The following DNM3 variants were observed in gnomAD, a reference collection of about 807,000 sequenced individuals.
DNM3 encodes the protein dynamin-3.
A neutral mutation model predicts 101.6 loss-of-function variants in DNM3; 47 were observed. The observed-to-expected ratio is 0.46, with a 90% CI of 0.37 to 0.59. The LOEUF (loss-of-function observed/expected upper bound fraction) is 0.59. DNM3 is among the 20% of genes least tolerant of loss of function. The probability of loss-of-function intolerance (pLI) is 0.00; values close to 1 mark genes in which losing one functional copy is unlikely to be tolerated. For missense variants in DNM3, 849 were observed against 1,085.7 expected, an observed-to-expected ratio of 0.78 and a Z score of 3.06; for synonymous variants, 385 against 387.9, an observed-to-expected ratio of 0.99 and a Z score of 0.09.
intron 2 of DNM3, among the ~76,000 whole-genome samples, chr1:171,954,374 G>A (rs761752014): frequency 1.9e-4 from 29 of 152,048 alleles, no homozygotes; most frequent in Admixed American, 1.3e-3. Flanking sequence ...ATCTAACCTC[G>A]TCCAAATTCC....
chr1:172,404,475 C>G (rs2070737893), intron 20 of DNM3, among the ~76,000 whole-genome samples: 1 of 152,090 alleles, frequency 6.6e-6, no homozygotes, highest in African/African-American at 2.4e-5. Flanking sequence ...GTCTTGACTT[C>G]TTTCTGCAAT....
chr1:172,302,656 T>C (rs1334351168), intron 15 of DNM3, among the ~76,000 whole-genome samples: 1 of 152,120 alleles, frequency 6.6e-6, no homozygotes, highest in Admixed American at 6.5e-5. Flanking sequence ...GGTGCCCCTC[T>C]GGGATGAAGA....
chr1:171,901,347 G>T (rs1047913623), intron 1 of DNM3, among the ~76,000 whole-genome samples: 1 of 152,018 alleles, frequency 6.6e-6, no homozygotes. Flanking sequence ...AATGAAATAG[G>T]CCCTGAGCAG....
intron 17 of DNM3, among the ~76,000 whole-genome samples, chr1:172,357,775 GAC>G (rs1193789345): frequency 6.6e-6 from 1 of 152,032 alleles, no homozygotes; most frequent in Non-Finnish European, 1.5e-5. Flanking sequence ...CTTTTAATAA[GAC>G]AAATTATTTC....
chr1:172,392,615 C>T (rs780615925), intron 20 of DNM3, among the ~76,000 whole-genome samples: 1 of 152,232 alleles, frequency 6.6e-6, no homozygotes, highest in Non-Finnish European at 1.5e-5. Flanking sequence ...AACAAATTCA[C>T]TGAATCCGAG....
At chr1:171,871,692 T>G (rs74880886) in intron 1 of DNM3, among the ~76,000 whole-genome samples, 2,191 of 152,340 alleles carry the variant, frequency 0.014, 61 homozygotes, top group African/African-American at 0.048. Flanking sequence ...GGTTAAAATT[T>G]TAATTGTTGC....
chr1:171,867,062 CA>C (rs1436804096), intron 1 of DNM3, among the ~76,000 whole-genome samples: 2 of 152,202 alleles, frequency 1.3e-5, no homozygotes, highest in Non-Finnish European at 2.9e-5. Flanking sequence ...TGTGTAACCA[CA>C]CATGGAGTTC....
In DNM3 at chr1:172,409,296, C is replaced by T. The variant is rs1007741351; in HGVS notation, c.*1455C>T. 1 of 985,182 alleles carries T rather than the reference C, an allele frequency of 1.0e-6. No individual in the cohort carries two copies. The highest frequency in any genetic ancestry group is 6.2e-5 in the Admixed American group (1 of 16,248). The allele number at this position is 985,182 out of a possible 1,614,324, so 61.0% of individuals were successfully genotyped here. A position where few individuals can be genotyped will look rare whatever the true frequency, so the allele number is the denominator to read the frequency against. Reference sequence around the variant, plus strand: ...CTGAAATGTCTCCCTTTGAAAGTAGCAAACATGATTTGTATGTTAACTTAA... The same window carrying T: ...CTGAAATGTCTCCCTTTGAAAGTAGTAAACATGATTTGTATGTTAACTTAA... On this transcript the variant is annotated 3_prime_UTR_variant, in exon 21 of 21. Coordinates refer to ENST00000627582, the MANE Select transcript of DNM3 (RefSeq NM_015569.5).
intron 20 of DNM3, among the ~76,000 whole-genome samples, chr1:172,403,443 C>A (rs1380384043): frequency 6.6e-6 from 1 of 152,114 alleles, no homozygotes; most frequent in Non-Finnish European, 1.5e-5. Context: ...TCAGGACCAG[C>A]TAATCCAAAG....
intron 13 of DNM3, among the ~76,000 whole-genome samples, chr1:172,125,606 A>G (rs1156498349): frequency 6.6e-6 from 1 of 152,138 alleles, no homozygotes; most frequent in Non-Finnish European, 1.5e-5. Flanking sequence ...TTGGCAAAAG[A>G]AGCTTGGGTG....
Position 172,412,669 on chromosome 1 carries a change from A to C in DNM3, c.*4828A>C. On this transcript the variant is annotated 3_prime_UTR_variant, in exon 21 of 21. Coordinates refer to ENST00000627582, the MANE Select transcript of DNM3 (RefSeq NM_015569.5). ...AAGGTCACATGTACCTATTGTGAAAATGTGAAGCTGTATTTCTGAAGCTGA... is the reference window on the plus strand; with the variant it reads ...AAGGTCACATGTACCTATTGTGAAACTGTGAAGCTGTATTTCTGAAGCTGA... 1.6e-5 allele frequency: 16 copies of C among 985,792 alleles called. No homozygotes were observed. The highest frequency in any genetic ancestry group is 1.9e-5 in the Non-Finnish European group (16 of 829,846). The allele number at this position is 985,792 out of a possible 1,614,324, so 61.1% of individuals were successfully genotyped here.
intron 1 of DNM3, among the ~76,000 whole-genome samples, chr1:171,859,183 C>T (rs1005522887): frequency 5.3e-5 from 8 of 152,094 alleles, no homozygotes; most frequent in Admixed American, 1.3e-4. Context: ...CCCTAGACAC[C>T]CACCACGCTG....
intron 19 of DNM3, 25 bp from the exon 20 acceptor site, chr1:172,388,548 A>C: frequency 6.3e-7 from 1 of 1,592,430 alleles, no homozygotes; most frequent in Non-Finnish European, 8.6e-7. Flanking sequence ...GGAGTGAGCA[A>C]ACTATGATTT....
intron 1 of DNM3, among the ~76,000 whole-genome samples, chr1:171,888,465 C>T (rs1013830790): frequency 1.3e-5 from 2 of 152,146 alleles, no homozygotes; most frequent in African/African-American, 4.8e-5. Flanking sequence ...GAGTGTAATT[C>T]TGCAGTATAG....
chr1:172,015,790 A>G (rs2047410110), intron 4 of DNM3, among the ~76,000 whole-genome samples: 1 of 152,162 alleles, frequency 6.6e-6, no homozygotes, highest in South Asian at 2.1e-4. Flanking sequence ...ATTAGCTAGG[A>G]CTTCCAGTAT....
rs556838972 is a variant in DNM3 at position 172,132,626 on chromosome 1, TC to T, written c.1659+1341del. 4.8e-3 allele frequency among the ~76,000 whole-genome samples: 735 copies of T among 152,250 alleles called. 9 individuals carry two copies. The highest frequency in any genetic ancestry group is 0.017 in the African/African-American group (704 of 41,546). On this transcript the variant is annotated intron_variant, in intron 14 of 20. Transcript: ENST00000627582. The stretch of plus-strand genomic sequence containing the variant: ...TAAGGTATTTCTATTAGATATATTT[TC>T]CCTCCAAGGATTTAGATGATAATTT...
chr1:171,983,061 A>C (rs912457510), intron 2 of DNM3, among the ~76,000 whole-genome samples: 10 of 152,112 alleles, frequency 6.6e-5, no homozygotes, highest in African/African-American at 1.9e-4. Flanking sequence ...GCCTATGAGC[A>C]TGCCATTAAT....
intron 1 of DNM3, among the ~76,000 whole-genome samples, chr1:171,892,278 A>G (rs1481484709): frequency 1.3e-5 from 2 of 151,908 alleles, no homozygotes; most frequent in African/African-American, 2.4e-5. Context: ...ATAATTGACT[A>G]TTTTTCCAAG....
At chr1:172,417,717 T>C (rs2071480169), downstream of DNM3, among the ~76,000 whole-genome samples, 1 of 152,196 alleles carries the variant, frequency 6.6e-6, no homozygotes, top group Non-Finnish European at 1.5e-5. Flanking sequence ...AAATCCTTTT[T>C]TTCTGAGATC....
Sources: gnomAD v4.1 joint callset for allele counts (sites outside exome capture counted in the v4.1 genomes callset) on GRCh38, gnomAD v4.1.1 for gene constraint, MANE v1.5 for transcripts, NCBI Gene and HGNC (gene_info 2026-07-23, HGNC 2026-07-21) for gene names.